The following ZDHHC20 variants were observed in gnomAD, a reference collection of about 807,000 sequenced individuals.
The protein encoded by ZDHHC20 is palmitoyltransferase ZDHHC20.
ZDHHC20 carries 43 observed loss-of-function variants against 57.8 expected under a neutral mutation model. That is an observed-to-expected ratio of 0.74 (90% CI 0.58 to 0.96). ZDHHC20 has a LOEUF of 0.96. Among genes scored for constraint, ZDHHC20 ranks in the 40% least tolerant of loss-of-function variants. ZDHHC20 has a pLI of 0.00. For missense variants in ZDHHC20, 391 were observed against 441.1 expected (o/e 0.89, Z 1.02); for synonymous variants, 157 against 153.0 (o/e 1.03, Z -0.19).
chr13:21,406,221 G>T (rs1432491359), intron 4 of ZDHHC20, among the ~76,000 whole-genome samples: 1 of 152,068 alleles, frequency 6.6e-6, no homozygotes, highest in Non-Finnish European at 1.5e-5. Flanking sequence ...TGGCTGGTGG[G>T]TCCCTTCTGA....
chr13:21,433,490 G>C (rs1214245471), intron 1 of ZDHHC20, among the ~76,000 whole-genome samples: 1 of 151,978 alleles, frequency 6.6e-6, no homozygotes, highest in East Asian at 1.9e-4. Context: ...GGTGGCGGGT[G>C]CCTGTAGTCC....
intron 4 of ZDHHC20, among the ~76,000 whole-genome samples, chr13:21,403,868 A>G (rs1464920645): frequency 6.6e-6 from 1 of 152,054 alleles, no homozygotes; most frequent in Admixed American, 6.6e-5. Context: ...TTGTATTTTT[A>G]GTAGAGACAG....
At chr13:21,410,958 C>T (rs1289563360) in intron 4 of ZDHHC20, among the ~76,000 whole-genome samples, 4 of 152,206 alleles carry the variant, frequency 2.6e-5, no homozygotes, top group Non-Finnish European at 5.9e-5. Context: ...TGGCCACCCA[C>T]TTTTGTGCTT....
At position 21,459,214 on chromosome 13, in the gene ZDHHC20, G is replaced by C; in HGVS notation, c.-43C>G. On this transcript the variant is annotated 5_prime_UTR_variant, in exon 1 of 13. Transcript: ENST00000400590. ...CGAGCCCCGCGTCCCACCGTTCTGG[G>C]GAGCGCGGGAGCCCCGGCGACGGTG... 1 of 1,491,800 alleles carries C rather than the reference G, an allele frequency of 6.7e-7. No homozygotes were observed. The highest frequency in any genetic ancestry group is 9.1e-7 in the Non-Finnish European group (1 of 1,103,574). The allele number at this position is 1,491,800 out of a possible 1,614,324, so 92.4% of individuals were successfully genotyped here. A position where few individuals can be genotyped will look rare whatever the true frequency, so the allele number is the denominator to read the frequency against.
rs1359347866 is a variant in ZDHHC20, at chr13:21,440,648, GTA to G, written c.119-14972_119-14971del. Among the ~76,000 whole-genome samples the G allele has an allele frequency of 1.0e-4, 11 of 106,904 alleles. No individual in the cohort carries two copies. The South Asian group carries it at 1.5e-3, about 15-fold the overall frequency. The allele number at this position is 106,904 out of a possible 152,430, so 70.1% of individuals were successfully genotyped here. On this transcript the variant is annotated intron_variant, in intron 1 of 12. Transcript: ENST00000400590. ...ACAAAAAGTGTGTGTGTGTGTGTGT[GTA>G]TATATATATATGACAAAAGAAAGAT...
chr13:21,379,982 A>AT (rs1872992535), intron 11 of ZDHHC20, among the ~76,000 whole-genome samples: 1 of 150,622 alleles, frequency 6.6e-6, no homozygotes, highest in South Asian at 2.1e-4. Flanking sequence ...CGCCCGTCTA[A>AT]TTTTTTGTAT....
At chr13:21,421,331 C>G (rs1477821414) in intron 2 of ZDHHC20, among the ~76,000 whole-genome samples, 167 bp from the exon 3 acceptor site, 1 of 152,052 alleles carries the variant, frequency 6.6e-6, no homozygotes, top group African/African-American at 2.4e-5. Flanking sequence ...GGAAACATTA[C>G]TAGATATGAA....
At chr13:21,408,688 C>A (rs1183975091) in intron 4 of ZDHHC20, among the ~76,000 whole-genome samples, 3 of 152,098 alleles carry the variant, frequency 2.0e-5, no homozygotes, top group Non-Finnish European at 2.9e-5. Context: ...TTGTTTTGTG[C>A]CAGTTTTCAA....
chr13:21,407,952 G>A (rs1207480312), intron 4 of ZDHHC20, among the ~76,000 whole-genome samples: 3 of 152,062 alleles, frequency 2.0e-5, no homozygotes, highest in Non-Finnish European at 2.9e-5. Context: ...TATTTCTGAG[G>A]CCTCTGTTTT....
In ZDHHC20 at chr13:21,374,421, G is replaced by C. The variant is rs149229681; in HGVS notation, c.*2275C>G. ...GGGGTTTTTTTGTATTTTTAGTGGAGACAGGGTTTTGCCATTTTGACCAGG... is the reference window on the plus strand; with the variant it reads ...GGGGTTTTTTTGTATTTTTAGTGGACACAGGGTTTTGCCATTTTGACCAGG... On this transcript the variant is annotated 3_prime_UTR_variant, in exon 13 of 13. Coordinates refer to ENST00000400590, the MANE Select transcript of ZDHHC20 (RefSeq NM_001330059.2). The C allele has an allele frequency of 0.013, 5,751 of 455,864 alleles. 52 individuals are homozygous for C. Among genetic ancestry groups the C allele is most frequent in the Middle Eastern group, 0.02 (62 of 3,056 alleles). The allele number at this position is 455,864 out of a possible 1,614,324, so 28.2% of individuals were successfully genotyped here. A position where few individuals can be genotyped will look rare whatever the true frequency, so the allele number is the denominator to read the frequency against.
intron 3 of ZDHHC20, 78 bp from the exon 4 acceptor site, chr13:21,413,850 GA>G: frequency 1.6e-6 from 2 of 1,262,050 alleles, no homozygotes; most frequent in South Asian, 1.5e-5. Flanking sequence ...GTTTTATCTA[GA>G]AAAAAGAAAA....
chr13:21,412,987 A>C (rs1358130742), intron 4 of ZDHHC20, among the ~76,000 whole-genome samples: 1 of 151,666 alleles, frequency 6.6e-6, no homozygotes. Flanking sequence ...AAAAAAAAAA[A>C]AAAACAATTT....
At chr13:21,396,879 C>T (rs898434683) in intron 7 of ZDHHC20, among the ~76,000 whole-genome samples, 11 of 151,086 alleles carry the variant, frequency 7.3e-5, no homozygotes, top group African/African-American at 1.9e-4. Context: ...GTGGAAAAAG[C>T]ATTTGCAACC....
Position 21,373,191 on chromosome 13 carries a change from A to C in ZDHHC20, c.*3505T>G, listed in dbSNP as rs1026155461. 17 of 152,322 alleles carry C rather than the reference A, an allele frequency of 1.1e-4. No homozygotes were observed. The highest frequency in any genetic ancestry group is 7.7e-4 in the East Asian group (4 of 5,188). The allele number at this position is 152,322 out of a possible 1,614,324, so 9.4% of individuals were successfully genotyped here. ...TCCATTGATAGCAGTGCTAGTCCCTAGAACAAAAGGTAAGCAAAACTTATT... is the reference window on the plus strand; with the variant it reads ...TCCATTGATAGCAGTGCTAGTCCCTCGAACAAAAGGTAAGCAAAACTTATT... On this transcript the variant is annotated 3_prime_UTR_variant, in exon 13 of 13. Transcript: ENST00000400590.
chr13:21,431,155 C>T (rs956473064), intron 1 of ZDHHC20, among the ~76,000 whole-genome samples: 6 of 151,958 alleles, frequency 3.9e-5, no homozygotes, highest in East Asian at 1.9e-4. Context: ...AAAGACATAC[C>T]CAAGACTAGG....
chr13:21,445,376 T>G (rs890728753), intron 1 of ZDHHC20, among the ~76,000 whole-genome samples: 5 of 152,172 alleles, frequency 3.3e-5, no homozygotes, highest in African/African-American at 1.2e-4. Flanking sequence ...AAAATAATGC[T>G]AATAATCTCT....
intron 1 of ZDHHC20, among the ~76,000 whole-genome samples, chr13:21,447,851 AGCC>A (rs1156295770): frequency 3.9e-5 from 4 of 103,850 alleles, no homozygotes; most frequent in Non-Finnish European, 6.7e-5. Flanking sequence ...GCCTCTTCCC[AGCC>A]GCCATCACAT....
chr13:21,423,633 C>T (rs1880905913), intron 2 of ZDHHC20, among the ~76,000 whole-genome samples: 1 of 151,248 alleles, frequency 6.6e-6, no homozygotes, highest in Non-Finnish European at 1.5e-5. Context: ...GAGATCGTGC[C>T]ACTGCACTCT....
chr13:21,423,145 TTA>T (rs1296612467), intron 2 of ZDHHC20, among the ~76,000 whole-genome samples: 1 of 152,186 alleles, frequency 6.6e-6, no homozygotes, highest in Non-Finnish European at 1.5e-5. Context: ...CTAGCTAAAA[TTA>T]TAGTTTCCTC....
Sources: allele counts gnomAD v4.1 joint callset (sites outside exome capture counted in the v4.1 genomes callset), GRCh38; gene constraint gnomAD v4.1.1; transcripts MANE v1.5; gene names NCBI Gene and HGNC (gene_info 2026-07-23, HGNC 2026-07-21).